ABTB2: variants seen among roughly 807,000 people sequenced by gnomAD.
ABTB2 encodes ankyrin repeat and BTB domain containing 2.
ABTB2 carries 56 observed loss-of-function variants against 104.1 expected under a neutral mutation model. The observed-to-expected ratio is 0.54, with a 90% CI of 0.43 to 0.67. The LOEUF (loss-of-function observed/expected upper bound fraction) is 0.67. Ranked by LOEUF, ABTB2 falls within the 30% of genes least tolerant of loss-of-function variation. ABTB2 has a pLI of 0.00. For missense variants in ABTB2, 1,279 were observed against 1,407.7 expected (o/e 0.91, Z 1.46); for synonymous variants, 606 against 608.2 (o/e 1.00, Z 0.05).
chr11:34,174,270 A>G (rs1852930210), intron 3 of ABTB2, among the ~76,000 whole-genome samples: 1 of 141,894 alleles, frequency 7.0e-6, no homozygotes. Context: ...GCTTGCAGTG[A>G]GCTGAGATCG....
chr11:34,180,253 C>T (rs115980233), intron 3 of ABTB2, among the ~76,000 whole-genome samples: 2,805 of 152,272 alleles, frequency 0.018, 89 homozygotes, highest in African/African-American at 0.064. Context: ...ACCACTATGT[C>T]GAGTGTGAGC....
intron 1 of ABTB2, among the ~76,000 whole-genome samples, chr11:34,271,265 T>C (rs920082850): frequency 1.3e-5 from 2 of 152,180 alleles, no homozygotes; most frequent in African/African-American, 4.8e-5. Flanking sequence ...TTGATGGAAA[T>C]GAAGATAATA....
intron 3 of ABTB2, among the ~76,000 whole-genome samples, chr11:34,178,257 T>G (rs1011793374): frequency 4.6e-5 from 7 of 152,186 alleles, no homozygotes; most frequent in Non-Finnish European, 8.8e-5. Flanking sequence ...GCCTTACTCC[T>G]TGGTCCACCC....
At chr11:34,338,969 C>A (rs556374951) in intron 1 of ABTB2, among the ~76,000 whole-genome samples, 1 of 152,292 alleles carries the variant, frequency 6.6e-6, no homozygotes, top group East Asian at 1.9e-4. Context: ...CAGTATCTAC[C>A]TCTGCAGGAT....
chr11:34,333,768 T>TAATAA (rs1855159110), intron 1 of ABTB2, among the ~76,000 whole-genome samples: 2 of 151,886 alleles, frequency 1.3e-5, no homozygotes, highest in African/African-American at 4.8e-5. Context: ...AAATAAAATA[T>TAATAA]AATAAAATAA....
intron 1 of ABTB2, among the ~76,000 whole-genome samples, chr11:34,247,094 A>T (rs1198527864): frequency 2.0e-5 from 3 of 151,908 alleles, no homozygotes; most frequent in Non-Finnish European, 2.9e-5. Context: ...TGATCCGCCC[A>T]CCTCAGCCTC....
At chr11:34,328,630 G>C (rs1021562181) in intron 1 of ABTB2, among the ~76,000 whole-genome samples, 1 of 152,166 alleles carries the variant, frequency 6.6e-6, no homozygotes, top group Non-Finnish European at 1.5e-5. Context: ...CCACCTTTTT[G>C]TTCTCCATGA....
intron 1 of ABTB2, chr11:34,242,484 G>A (rs1161710080): frequency 2.6e-5 from 4 of 152,292 alleles, no homozygotes; most frequent in Non-Finnish European, 5.9e-5. Flanking sequence ...CCTCATCCTT[G>A]TCACGCGCCC....
chr11:34,188,082 C>CA (rs1282294266), intron 3 of ABTB2, among the ~76,000 whole-genome samples: 1 of 152,106 alleles, frequency 6.6e-6, no homozygotes, highest in East Asian at 1.9e-4. Flanking sequence ...TCGCCCCTCA[C>CA]AAAAAATTCT....
intron 1 of ABTB2, among the ~76,000 whole-genome samples, chr11:34,248,779 T>C (rs1406407752): frequency 1.3e-5 from 2 of 152,218 alleles, no homozygotes; most frequent in Non-Finnish European, 2.9e-5. Context: ...GCCAAATCTA[T>C]GGGAGCAGTC....
intron 1 of ABTB2, among the ~76,000 whole-genome samples, chr11:34,240,456 G>A (rs931379072): frequency 6.6e-6 from 1 of 152,188 alleles, no homozygotes; most frequent in Non-Finnish European, 1.5e-5. Flanking sequence ...TGCCTGACAA[G>A]GATCCCACCT....
At chr11:34,310,596 C>T (rs1349793109) in intron 1 of ABTB2, among the ~76,000 whole-genome samples, 1 of 152,098 alleles carries the variant, frequency 6.6e-6, no homozygotes, top group Non-Finnish European at 1.5e-5. Flanking sequence ...TCCCTCCAGC[C>T]TTTAAGTTCC....
chr11:34,340,125 C>T (rs1182404569), intron 1 of ABTB2, among the ~76,000 whole-genome samples: 2 of 152,132 alleles, frequency 1.3e-5, no homozygotes, highest in Non-Finnish European at 2.9e-5. Flanking sequence ...GAATAAAAGA[C>T]CACACAGAGT....
intron 1 of ABTB2, among the ~76,000 whole-genome samples, chr11:34,317,375 G>A (rs1056131544): frequency 2.0e-5 from 3 of 152,078 alleles, no homozygotes; most frequent in African/African-American, 7.2e-5. Flanking sequence ...CTCCTCTCCC[G>A]CATCTTGTAT....
At chr11:34,156,912 C>T (rs1852636308) in intron 14 of ABTB2, among the ~76,000 whole-genome samples, 1 of 152,150 alleles carries the variant, frequency 6.6e-6, no homozygotes, top group African/African-American at 2.4e-5. Flanking sequence ...TTCACCTGCT[C>T]TTTATTTTTT....
chr11:34,220,994 G>A (rs2133050601), intron 1 of ABTB2, among the ~76,000 whole-genome samples: 1 of 151,482 alleles, frequency 6.6e-6, no homozygotes, highest in Non-Finnish European at 1.5e-5. Context: ...CTTTGAGAAG[G>A]AGTCTGACTC....
chr11:34,236,909 G>A (rs529097912), intron 1 of ABTB2, among the ~76,000 whole-genome samples: 54 of 152,270 alleles, frequency 3.5e-4, no homozygotes, highest in African/African-American at 1.3e-3. Context: ...TATTATCTGT[G>A]GGGGAAATAA....
intron 1 of ABTB2, among the ~76,000 whole-genome samples, chr11:34,212,474 G>A (rs1437336486): frequency 6.6e-5 from 10 of 152,140 alleles, no homozygotes; most frequent in Admixed American, 1.3e-4. Context: ...AAAGACCCTC[G>A]CAGTGGAGTA....
chr11:34,287,015 T>C (rs1158176674), intron 1 of ABTB2, among the ~76,000 whole-genome samples: 1 of 152,064 alleles, frequency 6.6e-6, no homozygotes, highest in East Asian at 1.9e-4. Flanking sequence ...CTCCTCATCA[T>C]GGTGGTGGTT....
Sources: gnomAD v4.1 joint callset for allele counts (sites outside exome capture counted in the v4.1 genomes callset) on GRCh38, gnomAD v4.1.1 for gene constraint, MANE v1.5 for transcripts, NCBI Gene and HGNC (gene_info 2026-07-23, HGNC 2026-07-21) for gene names.